MCOLN2: variants seen among roughly 807,000 people sequenced by gnomAD.
MCOLN2 encodes mucolipin TRP cation channel 2, also known as mucolipin-2.
In MCOLN2, 57 loss-of-function variants were observed where a neutral mutation model predicts 67.5. That is an observed-to-expected ratio of 0.84 (90% CI 0.68 to 1.05). The LOEUF (loss-of-function observed/expected upper bound fraction) is 1.05, where lower values mean the gene tolerates loss of function less well. Ranked by LOEUF, MCOLN2 falls within the 50% of genes least tolerant of loss-of-function variation. The probability of loss-of-function intolerance (pLI) is 0.00; values close to 1 mark genes in which losing one functional copy is unlikely to be tolerated. For synonymous variants in MCOLN2, 246 were observed against 233.3 expected, an observed-to-expected ratio of 1.05 and a Z score of -0.50; for missense variants, 620 against 678.8, an observed-to-expected ratio of 0.91 and a Z score of 0.96.
chr1:84,929,621 C>A lies in MCOLN2; in HGVS notation c.1601G>T (p.Ser534Ile). ...TDLQEFLKEC[S>I]SKEEYQKESS... ...CTCTTTCTGATACTCTTCTTTGCTA[C>A]TGCATTCCTTCAGGAATTCCTGCAA... Residue 534 changes from serine (S) to isoleucine (I), a missense_variant, in exon 13 of 14, where the codon AGT becomes ATT. Physicochemically the swap from Ser to Ile is moderately radical, Grantham distance 142. Coordinates refer to ENST00000370608, the MANE Select transcript of MCOLN2 (RefSeq NM_153259.4). The A allele has an allele frequency of 6.2e-7, 1 of 1,613,866 alleles. No homozygotes were observed. The highest frequency in any genetic ancestry group is 8.5e-7 in the Non-Finnish European group (1 of 1,179,840).
rs1649327726 is a variant in MCOLN2 at position 84,965,465 on chromosome 1, G to A, written c.237+84C>T. The A allele has an allele frequency of 1.0e-5, 15 of 1,444,496 alleles. No homozygotes were observed. In the South Asian group the frequency reaches 2.0e-4, roughly 20 times the overall value. 89.5% of individuals were successfully genotyped at this position (1,444,496 alleles called of 1,614,324 possible). ...TATGAACTTGAGTGTGGGCTTTTCA[G>A]AACAAAAGTCAAGTACAGAACACAT... is the stretch of plus-strand genomic sequence containing the variant. On this transcript the variant is annotated intron_variant, in intron 2 of 13. Coordinates refer to ENST00000370608, the MANE Select transcript of MCOLN2 (RefSeq NM_153259.4).
chr1:84,991,691 C>T (rs1226373751), intron 1 of MCOLN2, among the ~76,000 whole-genome samples: 1 of 152,132 alleles, frequency 6.6e-6, no homozygotes, highest in African/African-American at 2.4e-5. Context: ...TACAGACAAC[C>T]GTGCCACCAA....
chr1:84,990,829 G>T (rs977671148), intron 1 of MCOLN2, among the ~76,000 whole-genome samples: 3 of 152,088 alleles, frequency 2.0e-5, no homozygotes, highest in South Asian at 2.1e-4. Flanking sequence ...AATTACTTGG[G>T]GGGGCTGAGG....
intron 7 of MCOLN2, among the ~76,000 whole-genome samples, chr1:84,944,005 G>A (rs1023729245): frequency 6.6e-6 from 1 of 152,160 alleles, no homozygotes; most frequent in Non-Finnish European, 1.5e-5. Context: ...CAGCTCTTGG[G>A]AAGATAAGAC....
chr1:84,957,965 C>CA (rs1648880556), intron 3 of MCOLN2, among the ~76,000 whole-genome samples: 2 of 152,234 alleles, frequency 1.3e-5, no homozygotes, highest in Admixed American at 1.3e-4. Context: ...GTCTACTAAT[C>CA]TGCTTTCTCA....
intron 11 of MCOLN2, among the ~76,000 whole-genome samples, chr1:84,937,041 G>A (rs1647470804): frequency 6.6e-6 from 1 of 152,154 alleles, no homozygotes. Flanking sequence ...ACTGCCACAG[G>A]CCCAAATGGA....
intron 1 of MCOLN2, among the ~76,000 whole-genome samples, chr1:84,970,300 G>A (rs1649606516): frequency 6.7e-6 from 1 of 149,948 alleles, no homozygotes; most frequent in African/African-American, 2.5e-5. Flanking sequence ...GCCTCTGGGT[G>A]AGAAACACTG....
At chr1:84,929,829 CT>C (rs1343533939) in intron 12 of MCOLN2, 150 bp from the exon 13 acceptor site, 4 of 637,862 alleles carry the variant, frequency 6.3e-6, no homozygotes, top group Non-Finnish European at 1.0e-5. Context: ...ATGAATCAAT[CT>C]GTCAGTCCCA....
intron 4 of MCOLN2, among the ~76,000 whole-genome samples, chr1:84,953,550 C>CA (rs138750958): frequency 0.035 from 4,181 of 118,316 alleles, 83 homozygotes; most frequent in African/African-American, 0.047. Flanking sequence ...AACTCTATCT[C>CA]AAAAAAAAAA....
intron 6 of MCOLN2, among the ~76,000 whole-genome samples, chr1:84,949,010 A>T (rs575125740): frequency 1.5e-4 from 23 of 152,150 alleles, no homozygotes; most frequent in Admixed American, 9.2e-4. Context: ...GGTGCCTGCA[A>T]TCCCAGCCAC....
chr1:84,960,374 T>C (rs959026040), intron 2 of MCOLN2, among the ~76,000 whole-genome samples: 2 of 152,332 alleles, frequency 1.3e-5, no homozygotes, highest in African/African-American at 2.4e-5. Flanking sequence ...TGTTATGCTA[T>C]AAAAACAACT....
At chr1:84,986,367 C>T (rs1650505507) in intron 1 of MCOLN2, among the ~76,000 whole-genome samples, 1 of 151,934 alleles carries the variant, frequency 6.6e-6, no homozygotes. Context: ...ATGGAGAAAC[C>T]CTGTCTTTAC....
intron 2 of MCOLN2, among the ~76,000 whole-genome samples, chr1:84,961,564 T>C (rs755022501): frequency 6.6e-5 from 10 of 152,120 alleles, no homozygotes; most frequent in Admixed American, 1.3e-4. Context: ...TGGCCCAGCA[T>C]TGGGGAAGGT....
chr1:84,987,128 A>T (rs1271774919), intron 1 of MCOLN2, among the ~76,000 whole-genome samples: 3 of 151,812 alleles, frequency 2.0e-5, no homozygotes, highest in Admixed American at 2.0e-4. Flanking sequence ...ACCAGCCCAG[A>T]TGCTCATCAA....
Position 84,997,113 on chromosome 1 carries a change from T to A in MCOLN2, c.-241A>T, listed in dbSNP as rs904804157. 12 of 517,302 alleles carry A rather than the reference T, an allele frequency of 2.3e-5. No homozygotes were observed. The highest frequency in any genetic ancestry group is 3.4e-5 in the Non-Finnish European group (10 of 294,568). The allele number at this position is 517,302 out of a possible 1,614,324, so 32.0% of individuals were successfully genotyped here. A position where few individuals can be genotyped will look rare whatever the true frequency, so the allele number is the denominator to read the frequency against. On this transcript the variant is annotated 5_prime_UTR_variant, in exon 1 of 14. Transcript: ENST00000370608. ...CGGGCGGCTGAAAGGCGGCTCTGTG[T>A]GCACCCTGCAGGATGCGGCGCGTGG...
At chr1:84,932,052 A>ACC in intron 11 of MCOLN2, among the ~76,000 whole-genome samples, 1 of 143,878 alleles carries the variant, frequency 7.0e-6, no homozygotes, top group African/African-American at 2.6e-5. Context: ...ACACACACAC[A>ACC]CCCCTCCATA....
rs74333348 is a variant in MCOLN2, at chr1:84,956,160, A to G, written c.565+271T>C. 4.0e-3 allele frequency among the ~76,000 whole-genome samples: 601 copies of G among 151,874 alleles called. 3 individuals carry two copies. The highest frequency in any genetic ancestry group is 0.014 in the African/African-American group (562 of 41,362). On this transcript the variant is annotated intron_variant, in intron 4 of 13. Transcript: ENST00000370608. ...CTAATCACCCCTTCATAGGGAAAAA[A>G]AAACAAAAAACAGGACCTGTGAATA...
chr1:84,996,707 G>A (rs1030180626), intron 1 of MCOLN2, 89 bp downstream of exon 1: 1 of 1,174,410 alleles, frequency 8.5e-7, no homozygotes, highest in Non-Finnish European at 1.3e-6. Context: ...AAGGCAGCAA[G>A]CAAGCTCTAG....
intron 7 of MCOLN2, among the ~76,000 whole-genome samples, chr1:84,945,738 A>T (rs954201046): frequency 5.3e-5 from 8 of 151,888 alleles, no homozygotes; most frequent in African/African-American, 1.9e-4. Context: ...TTTTATTTTA[A>T]TTTTTTTATT....
Sources: allele counts gnomAD v4.1 joint callset (sites outside exome capture counted in the v4.1 genomes callset), GRCh38; gene constraint gnomAD v4.1.1; transcripts MANE v1.5; gene names NCBI Gene and HGNC (gene_info 2026-07-23, HGNC 2026-07-21).